HFM1: variants seen among roughly 807,000 people sequenced by gnomAD.
HFM1 encodes probable ATP-dependent DNA helicase HFM1.
Under a neutral mutation model 192.1 loss-of-function variants are expected in HFM1, and 169 were observed. The ratio of observed to expected loss-of-function variants is 0.88; its 90% CI spans 0.78 to 1.00. The LOEUF is 1.00. Among genes scored for constraint, HFM1 ranks in the 50% least tolerant of loss-of-function variants. The probability of loss-of-function intolerance (pLI) is 0.00; values close to 1 mark genes in which losing one functional copy is unlikely to be tolerated. For missense variants in HFM1, 1,661 were observed against 1,668.0 expected (o/e 1.00, Z 0.07); for synonymous variants, 525 against 537.8 (o/e 0.98, Z 0.33).
chr1:91,326,724 A>G (rs1337732631), intron 20 of HFM1, among the ~76,000 whole-genome samples: 2 of 152,228 alleles, frequency 1.3e-5, no homozygotes, highest in South Asian at 2.1e-4. Context: ...ACAGAATATT[A>G]TAACACTGTA....
chr1:91,303,456 A>G (rs1328407032), intron 30 of HFM1, among the ~76,000 whole-genome samples: 1 of 152,226 alleles, frequency 6.6e-6, no homozygotes, highest in Non-Finnish European at 1.5e-5. Context: ...GCTATTATAA[A>G]TAATGCAGCT....
chr1:91,350,498 T>C (rs1284252277), intron 18 of HFM1, among the ~76,000 whole-genome samples: 1 of 152,172 alleles, frequency 6.6e-6, no homozygotes, highest in East Asian at 1.9e-4. Context: ...GCTGAATTTT[T>C]TTCTACTAGA....
At chr1:91,376,012 T>TA (rs1660862767) in intron 11 of HFM1, among the ~76,000 whole-genome samples, 3 of 151,622 alleles carry the variant, frequency 2.0e-5, no homozygotes, top group African/African-American at 4.8e-5. Flanking sequence ...AAAGAAAAAT[T>TA]ATCAATTTTG....
intron 13 of HFM1, among the ~76,000 whole-genome samples, chr1:91,372,544 A>G (rs144628507): frequency 0.018 from 2,729 of 152,286 alleles, 38 homozygotes; most frequent in Non-Finnish European, 0.029. Flanking sequence ...CAATGAGAAC[A>G]CATGGACACA....
intron 30 of HFM1, among the ~76,000 whole-genome samples, chr1:91,301,015 T>C (rs1648673716): frequency 6.9e-6 from 1 of 144,488 alleles, no homozygotes; most frequent in African/African-American, 2.6e-5. Context: ...GCAGATGACA[T>C]GATTGTATAT....
intron 2 of HFM1, among the ~76,000 whole-genome samples, chr1:91,396,825 C>G (rs1663719240): frequency 6.6e-6 from 1 of 152,234 alleles, no homozygotes. Flanking sequence ...TATTCCAGAG[C>G]TGGGATCCCC....
chr1:91,366,617 C>T (rs908127831), intron 13 of HFM1, among the ~76,000 whole-genome samples: 2 of 152,146 alleles, frequency 1.3e-5, no homozygotes, highest in African/African-American at 4.8e-5. Context: ...GTTTTAAAAA[C>T]TTAGAAAATT....
chr1:91,328,736 G>C (rs1313657674), intron 20 of HFM1: 3 of 1,609,184 alleles, frequency 1.9e-6, no homozygotes, highest in African/African-American at 2.7e-5. Flanking sequence ...GGCTGCTGGG[G>C]CCGAGCAGGT....
At chr1:91,312,938 T>C (rs1650681749) in intron 30 of HFM1, among the ~76,000 whole-genome samples, 1 of 152,158 alleles carries the variant, frequency 6.6e-6, no homozygotes, top group Non-Finnish European at 1.5e-5. Flanking sequence ...GATGGGCTTA[T>C]CGGGGTTTCT....
At chr1:91,334,122 C>T (rs74747874) in intron 20 of HFM1, among the ~76,000 whole-genome samples, 2,564 of 152,238 alleles carry the variant, frequency 0.017, 29 homozygotes, top group South Asian at 0.041. Context: ...AAAAGACTAT[C>T]TTTAGAATAC....
chr1:91,394,946 C>T (rs1031163721), intron 3 of HFM1, among the ~76,000 whole-genome samples: 12 of 151,794 alleles, frequency 7.9e-5, no homozygotes, highest in Non-Finnish European at 2.9e-5. Flanking sequence ...GGAATTTGGA[C>T]GTCTTACTAG....
intron 21 of HFM1, among the ~76,000 whole-genome samples, chr1:91,323,610 A>G (rs553171746): frequency 1.7e-4 from 26 of 152,314 alleles, no homozygotes; most frequent in African/African-American, 5.5e-4. Context: ...TCAATTGAGG[A>G]TAATTTAGTC....
chr1:91,359,376 T>C (rs989436702), intron 13 of HFM1, among the ~76,000 whole-genome samples: 1 of 152,096 alleles, frequency 6.6e-6, no homozygotes, highest in Admixed American at 6.5e-5. Context: ...GTACAGGAGC[T>C]GATAGCCAGA....
At chr1:91,266,938 A>T (rs1211853712) in intron 35 of HFM1, among the ~76,000 whole-genome samples, 1 of 152,166 alleles carries the variant, frequency 6.6e-6, no homozygotes, top group African/African-American at 2.4e-5. Flanking sequence ...CCCCAAAACA[A>T]TAACATTTCA....
chr1:91,353,328 G>A, intron 13 of HFM1, 29 bp from the exon 14 acceptor site: 2 of 1,303,232 alleles, frequency 1.5e-6, no homozygotes, highest in South Asian at 2.6e-5. Context: ...AAATTATTGA[G>A]TTACTCCCAG....
intron 33 of HFM1, 115 bp downstream of exon 33, chr1:91,274,615 C>G: frequency 1.9e-6 from 1 of 526,004 alleles, no homozygotes; most frequent in Non-Finnish European, 3.5e-6. Context: ...TGGAACTAAA[C>G]GATAACTGTG....
At chr1:91,323,253 C>A (rs1652402373) in intron 21 of HFM1, 54 bp from the exon 22 acceptor site, 2 of 906,662 alleles carry the variant, frequency 2.2e-6, no homozygotes, top group Non-Finnish European at 3.5e-6. Flanking sequence ...TATTTCCTCT[C>A]ATCCTTTCTC....
chr1:91,278,128 G>C (rs1313435711), intron 30 of HFM1, among the ~76,000 whole-genome samples: 1 of 150,902 alleles, frequency 6.6e-6, no homozygotes, highest in Non-Finnish European at 1.5e-5. Context: ...ATGGCATTTT[G>C]ATGGTACTGC....
In HFM1 at chr1:91,287,363, A is replaced by G. The variant is rs181723040; in HGVS notation, c.3392-10301T>C. ...AGTGAGTCCCTGACCCCTGACCCCC[A>G]AGCAGCCTAACTGGGAGGCACCCCC... On this transcript the variant is annotated intron_variant, in intron 30 of 38. Coordinates refer to ENST00000370425, the MANE Select transcript of HFM1 (RefSeq NM_001017975.6). 2.4e-3 allele frequency among the ~76,000 whole-genome samples: 368 copies of G among 152,092 alleles called. 1 individual carries two copies. The highest frequency in any genetic ancestry group is 4.6e-3 in the African/African-American group (190 of 41,540).
Sources: allele counts gnomAD v4.1 joint callset (sites outside exome capture counted in the v4.1 genomes callset), GRCh38; gene constraint gnomAD v4.1.1; transcripts MANE v1.5; gene names NCBI Gene and HGNC (gene_info 2026-07-23, HGNC 2026-07-21).